The following GLRA3 variants were observed in gnomAD, a reference collection of about 807,000 sequenced individuals.
The protein encoded by GLRA3 is glycine receptor alpha 3.
In GLRA3, 44 loss-of-function variants were observed where a neutral mutation model predicts 60.4. The observed-to-expected ratio is 0.73, with a 90% CI of 0.57 to 0.94. The LOEUF (loss-of-function observed/expected upper bound fraction) is 0.94. Ranked by LOEUF, GLRA3 falls within the 40% of genes least tolerant of loss-of-function variation. GLRA3 has a pLI of 0.00. For missense variants in GLRA3, 508 were observed against 564.6 expected, an observed-to-expected ratio of 0.90 and a Z score of 1.02; for synonymous variants, 223 against 192.9, an observed-to-expected ratio of 1.16 and a Z score of -1.29.
At chr4:174,782,405 C>T (rs1738918865) in intron 2 of GLRA3, among the ~76,000 whole-genome samples, 1 of 150,898 alleles carries the variant, frequency 6.6e-6, no homozygotes, top group Admixed American at 6.6e-5. Context: ...TGAAAACTGG[C>T]ACAAGACAGG....
intron 1 of GLRA3, among the ~76,000 whole-genome samples, chr4:174,801,972 A>G (rs2111343733): frequency 6.6e-6 from 1 of 152,160 alleles, no homozygotes; most frequent in Middle Eastern, 3.4e-3. Flanking sequence ...TTGTTTAAAT[A>G]GCCCTAAAAG....
chr4:174,732,941 G>T (rs185059324), intron 3 of GLRA3, among the ~76,000 whole-genome samples: 5 of 152,164 alleles, frequency 3.3e-5, no homozygotes, highest in African/African-American at 4.8e-5. Flanking sequence ...AATTATACAG[G>T]TATCTTTAAT....
chr4:174,790,418 A>G (rs1005704325), intron 1 of GLRA3, among the ~76,000 whole-genome samples: 2 of 152,266 alleles, frequency 1.3e-5, no homozygotes, highest in Middle Eastern at 3.4e-3. Flanking sequence ...CAATGACTCT[A>G]GAGCTTTATT....
intron 1 of GLRA3, among the ~76,000 whole-genome samples, chr4:174,801,375 C>T (rs1453727464): frequency 5.3e-5 from 8 of 152,032 alleles, no homozygotes; most frequent in African/African-American, 1.2e-4. Flanking sequence ...GTTTATATCT[C>T]GAGCTATGAA....
intron 5 of GLRA3, among the ~76,000 whole-genome samples, chr4:174,691,878 CTG>C (rs1734834907): frequency 6.6e-6 from 1 of 151,854 alleles, no homozygotes; most frequent in Admixed American, 6.5e-5. Flanking sequence ...AGGAGCCCCT[CTG>C]CCTGGCTGCC....
chr4:174,768,874 T>C (rs1050606349), intron 2 of GLRA3, among the ~76,000 whole-genome samples: 1 of 152,156 alleles, frequency 6.6e-6, no homozygotes, highest in African/African-American at 2.4e-5. Flanking sequence ...GATACCTGTA[T>C]AAATAGAAAC....
rs1442553920 is a variant in GLRA3 at position 174,641,159 on chromosome 4, TC to T, written c.*2626del. On this transcript the variant is annotated 3_prime_UTR_variant, in exon 10 of 10. Coordinates refer to ENST00000274093, the MANE Select transcript of GLRA3 (RefSeq NM_006529.4). ...ATGATATAAACTGCATACATGAAAA[TC>T]CCATATTTTCTAATGTGGCTATTTT... 6.6e-6 allele frequency: 1 copy of T among 152,070 alleles called. No individual in the cohort carries two copies. Among genetic ancestry groups the T allele is most frequent in the Non-Finnish European group, 1.5e-5 (1 of 67,964 alleles). 9.4% of individuals were successfully genotyped at this position (152,070 alleles called of 1,614,324 possible). A position where few individuals can be genotyped will look rare whatever the true frequency, so the allele number is the denominator to read the frequency against.
At position 174,815,951 on chromosome 4, in the gene GLRA3, T is replaced by C. The variant is rs571079280; in HGVS notation, c.71+12790A>G. Among the ~76,000 whole-genome samples, 5 of 152,288 alleles carry C rather than the reference T, an allele frequency of 3.3e-5. No individual in the cohort carries two copies. In the East Asian group the frequency reaches 9.6e-4, roughly 29 times the overall value. On this transcript the variant is annotated intron_variant, in intron 1 of 9. Transcript: ENST00000274093. ...TCAGAAAATGGGAGTTTCTTTTCCGTGGCATCATCAGGCTACAAATTTTCT... is the reference window on the plus strand; with the variant it reads ...TCAGAAAATGGGAGTTTCTTTTCCGCGGCATCATCAGGCTACAAATTTTCT...
chr4:174,784,535 A>G (rs1052825469), intron 2 of GLRA3, among the ~76,000 whole-genome samples: 10 of 151,864 alleles, frequency 6.6e-5, no homozygotes, highest in Admixed American at 1.3e-4. Flanking sequence ...ACTTAGATGC[A>G]AATTCACTAT....
chr4:174,787,654 G>A (rs1434272919), intron 2 of GLRA3, among the ~76,000 whole-genome samples: 2 of 147,652 alleles, frequency 1.4e-5, no homozygotes, highest in East Asian at 4.0e-4. Context: ...TACCCTGTAA[G>A]CTGTACTATT....
Position 174,641,023 on chromosome 4 carries a change from G to C in GLRA3, c.*2763C>G, listed in dbSNP as rs532483411. On this transcript the variant is annotated 3_prime_UTR_variant, in exon 10 of 10. Coordinates refer to ENST00000274093, the MANE Select transcript of GLRA3 (RefSeq NM_006529.4). ...AAGTTCAATTCTAATGGTTGGGAAA[G>C]AAAGAAAAGGTTGGGCACATATATG... The C allele has an allele frequency of 6.6e-6, 1 of 152,108 alleles. No individual in the cohort carries two copies. The highest frequency in any genetic ancestry group is 2.1e-4 in the South Asian group (1 of 4,828). The allele number at this position is 152,108 out of a possible 1,614,324, so 9.4% of individuals were successfully genotyped here.
At chr4:174,770,813 T>C (rs115534863) in intron 2 of GLRA3, among the ~76,000 whole-genome samples, 2,432 of 152,054 alleles carry the variant, frequency 0.016, 75 homozygotes, top group African/African-American at 0.055. Context: ...CAGTGTGTTA[T>C]GTGCCACTAT....
rs117722957 is a variant in GLRA3, at chr4:174,678,405, A to G, written c.713-1113T>C. Among the ~76,000 whole-genome samples the G allele has an allele frequency of 2.2e-4, 33 of 152,318 alleles. 1 individual carries two copies. The East Asian group carries it at 6.2e-3, about 29-fold the overall frequency. ...AATTGTTTTTATTTGAGTTATTTCA[A>G]GAAGGATGAGGTCAGAAAGTTAACA... On this transcript the variant is annotated intron_variant, in intron 6 of 9. Transcript: ENST00000274093.
At chr4:174,819,338 C>T (rs1740641653) in intron 1 of GLRA3, among the ~76,000 whole-genome samples, 1 of 152,188 alleles carries the variant, frequency 6.6e-6, no homozygotes, top group African/African-American at 2.4e-5. Flanking sequence ...TCCCCAGCAG[C>T]TAGTCCTAAC....
intron 3 of GLRA3, among the ~76,000 whole-genome samples, chr4:174,763,394 T>C (rs927538118): frequency 6.6e-6 from 1 of 152,190 alleles, no homozygotes; most frequent in African/African-American, 2.4e-5. Flanking sequence ...TCTAGGCCAA[T>C]GAACTTTCTT....
chr4:174,703,877 C>G (rs935792803), intron 5 of GLRA3, among the ~76,000 whole-genome samples: 1 of 152,080 alleles, frequency 6.6e-6, no homozygotes, highest in Non-Finnish European at 1.5e-5. Flanking sequence ...AGATTGAACA[C>G]CAGGGTCCTG....
chr4:174,748,485 A>T (rs968344001), intron 3 of GLRA3, among the ~76,000 whole-genome samples: 1 of 152,176 alleles, frequency 6.6e-6, no homozygotes, highest in African/African-American at 2.4e-5. Context: ...TTAGGAGGGC[A>T]GTTAGCAAAT....
At chr4:174,762,940 T>C (rs939800671) in intron 3 of GLRA3, among the ~76,000 whole-genome samples, 3 of 152,142 alleles carry the variant, frequency 2.0e-5, no homozygotes, top group Non-Finnish European at 4.4e-5. Context: ...AATTCAGAAG[T>C]CTTTTATCAT....
chr4:174,785,864 G>C (rs891620394), intron 2 of GLRA3, among the ~76,000 whole-genome samples: 8 of 151,910 alleles, frequency 5.3e-5, no homozygotes, highest in South Asian at 2.1e-4. Context: ...CAAACAACTG[G>C]GCTCAAGTAA....
Sources: allele counts gnomAD v4.1 joint callset (sites outside exome capture counted in the v4.1 genomes callset), GRCh38; gene constraint gnomAD v4.1.1; transcripts MANE v1.5; gene names NCBI Gene and HGNC (gene_info 2026-07-23, HGNC 2026-07-21).